Variants in RASGRF2 observed in about 807,000 individuals in gnomAD.
The protein encoded by RASGRF2 is ras-specific guanine nucleotide-releasing factor 2.
A neutral mutation model predicts 151.0 loss-of-function variants in RASGRF2; 76 were observed. The ratio of observed to expected loss-of-function variants is 0.50; its 90% confidence interval spans 0.42 to 0.61. RASGRF2 has a LOEUF of 0.61. Among genes scored for constraint, RASGRF2 ranks in the 20% least tolerant of loss-of-function variants. RASGRF2 has a pLI of 0.00. For missense variants in RASGRF2, 1,148 were observed against 1,564.6 expected (o/e 0.73, Z 4.49); for synonymous variants, 504 against 566.5 (o/e 0.89, Z 1.57).
chr5:81,162,912 G>A (rs1412423550), intron 17 of RASGRF2, among the ~76,000 whole-genome samples: 1 of 152,064 alleles, frequency 6.6e-6, no homozygotes. Flanking sequence ...GGAGGAGTAG[G>A]CTCCAGGCTG....
Position 81,094,308 on chromosome 5 carries a change from C to T in RASGRF2, c.1564C>T (p.Leu522=). 1.2e-6 allele frequency: 2 copies of T among 1,613,352 alleles called. No homozygotes were observed. Among genetic ancestry groups the T allele is most frequent in the South Asian group, 1.1e-5 (1 of 90,948 alleles). ...KLHLLKTGGV[L]SLIDCTLIEE... is the part of the protein sequence containing the mutation. ...GGTTTGTTTCCAGACAGGTGGGGTT[C>T]TGTCTCTAATAGACTGCACATTGAT... The change falls in exon 11 of 27, where the codon CTG becomes TTG. Residue 522 remains leucine (L), a synonymous_variant. Coordinates refer to ENST00000265080, the MANE Select transcript of RASGRF2 (RefSeq NM_006909.3).
At chr5:81,157,286 C>T (rs189616628) in intron 17 of RASGRF2, among the ~76,000 whole-genome samples, 109 of 144,744 alleles carry the variant, frequency 7.5e-4, no homozygotes, top group African/African-American at 2.5e-3. Flanking sequence ...ACCCAGGAGG[C>T]GGGAGGTTGC....
At chr5:81,113,510 T>G in intron 14 of RASGRF2, 28 bp from the exon 15 acceptor site, 3 of 1,573,372 alleles carry the variant, frequency 1.9e-6, no homozygotes, top group Non-Finnish European at 2.6e-6. Context: ...GGCTACAATC[T>G]CTTAGCCACT....
At chr5:81,184,585 G>A (rs931713691) in intron 18 of RASGRF2, among the ~76,000 whole-genome samples, 44 of 152,270 alleles carry the variant, frequency 2.9e-4, no homozygotes, top group African/African-American at 9.6e-4. Flanking sequence ...TACCACTGGC[G>A]CCATCAGGCT....
chr5:81,201,287 C>T (rs1472521572), intron 18 of RASGRF2, 43 bp from the exon 19 acceptor site: 2 of 1,587,868 alleles, frequency 1.3e-6, no homozygotes, highest in Non-Finnish European at 1.7e-6. Context: ...TAGAGCTAAC[C>T]CTTTCAAAGC....
chr5:81,066,078 A>G (rs978942673), intron 2 of RASGRF2, among the ~76,000 whole-genome samples: 5 of 152,074 alleles, frequency 3.3e-5, no homozygotes, highest in African/African-American at 1.2e-4. Flanking sequence ...TTTGTAACCA[A>G]TTTGGCATAT....
At chr5:81,018,947 C>T (rs900785138) in intron 1 of RASGRF2, among the ~76,000 whole-genome samples, 5 of 151,786 alleles carry the variant, frequency 3.3e-5, no homozygotes, top group African/African-American at 9.7e-5. Flanking sequence ...GGACTACAGG[C>T]GCCCACCACG....
At chr5:80,999,670 C>G (rs930647115) in intron 1 of RASGRF2, among the ~76,000 whole-genome samples, 5 of 152,134 alleles carry the variant, frequency 3.3e-5, no homozygotes, top group Non-Finnish European at 5.9e-5. Context: ...AAAATGATAA[C>G]AGTCTTCATT....
At chr5:81,154,840 A>G (rs1231617572) in intron 17 of RASGRF2, among the ~76,000 whole-genome samples, 1 of 152,182 alleles carries the variant, frequency 6.6e-6, no homozygotes, top group South Asian at 2.1e-4. Flanking sequence ...TCTATTTTTG[A>G]TATTTTGAGA....
chr5:81,024,877 G>C (rs1749964837), intron 1 of RASGRF2, among the ~76,000 whole-genome samples: 1 of 152,228 alleles, frequency 6.6e-6, no homozygotes, highest in South Asian at 2.1e-4. Flanking sequence ...TAAAGCGAAA[G>C]CTTCTCCCAT....
At chr5:81,015,162 C>T (rs1368027125) in intron 1 of RASGRF2, among the ~76,000 whole-genome samples, 1 of 152,170 alleles carries the variant, frequency 6.6e-6, no homozygotes, top group Non-Finnish European at 1.5e-5. Flanking sequence ...TCAATCGGCA[C>T]ACTACACTTT....
At chr5:81,219,676 T>C in intron 25 of RASGRF2, 34 bp from the exon 26 acceptor site, 6 of 1,545,200 alleles carry the variant, frequency 3.9e-6, no homozygotes, top group Non-Finnish European at 5.4e-6. Flanking sequence ...TTGCTTTTGT[T>C]GTTGTCATTT....
chr5:81,161,160 G>A (rs1443547420), intron 17 of RASGRF2, among the ~76,000 whole-genome samples: 4 of 152,100 alleles, frequency 2.6e-5, no homozygotes, highest in African/African-American at 4.8e-5. Flanking sequence ...TGTGATCACC[G>A]GATTCACACC....
chr5:81,069,040 A>G (rs1751697052), intron 3 of RASGRF2, among the ~76,000 whole-genome samples: 1 of 152,204 alleles, frequency 6.6e-6, no homozygotes, highest in African/African-American at 2.4e-5. Context: ...TAGTAATTGT[A>G]TCCTCATTGA....
At chr5:81,191,666 C>G (rs948142562) in intron 18 of RASGRF2, among the ~76,000 whole-genome samples, 1 of 111,658 alleles carries the variant, frequency 9.0e-6, no homozygotes, top group African/African-American at 3.6e-5. Flanking sequence ...GAAAACACAG[C>G]ATCTGAAAAA....
At chr5:81,069,077 T>G (rs1448545228) in intron 3 of RASGRF2, among the ~76,000 whole-genome samples, 1 of 152,248 alleles carries the variant, frequency 6.6e-6, no homozygotes, top group East Asian at 1.9e-4. Flanking sequence ...TTGTCAGTTT[T>G]GGCAATGTTC....
At chr5:80,969,843 T>TTTTTG (rs1747871398) in intron 1 of RASGRF2, among the ~76,000 whole-genome samples, 1 of 132,732 alleles carries the variant, frequency 7.5e-6, no homozygotes. Flanking sequence ...TTTTTTTTTT[T>TTTTTG]GAGACAGAGT....
At chr5:81,146,443 C>T (rs1168992867) in intron 17 of RASGRF2, among the ~76,000 whole-genome samples, 1 of 152,030 alleles carries the variant, frequency 6.6e-6, no homozygotes, top group Non-Finnish European at 1.5e-5. Flanking sequence ...CCCTTACAGA[C>T]ATGCTGGTCT....
At position 81,088,913 on chromosome 5, in the gene RASGRF2, G is replaced by T. The variant is rs73127178; in HGVS notation, c.1390+1960G>T. Among the ~76,000 whole-genome samples the T allele has an allele frequency of 5.4e-3, 826 of 152,062 alleles. 13 individuals are homozygous for T. Among genetic ancestry groups the T allele is most frequent in the African/African-American group, 0.019 (778 of 41,474 alleles). ...CCATATGTTATTAATTCCTTGTTATGTACCACATGTTTAAGGCACTTCTGT... is the reference window on the plus strand; with the variant it reads ...CCATATGTTATTAATTCCTTGTTATTTACCACATGTTTAAGGCACTTCTGT... On this transcript the variant is annotated intron_variant, in intron 9 of 26. Transcript: ENST00000265080.
Sources: allele counts gnomAD v4.1 joint callset (sites outside exome capture counted in the v4.1 genomes callset), GRCh38; gene constraint gnomAD v4.1.1; transcripts MANE v1.5; gene names NCBI Gene and HGNC (gene_info 2026-07-23, HGNC 2026-07-21).